Variants in GOLGA1 observed in about 807,000 individuals in gnomAD.
The protein encoded by GOLGA1 is golgin A1, also known as golgin subfamily A member 1.
Under a neutral mutation model 119.7 loss-of-function variants are expected in GOLGA1, and 63 were observed. The observed-to-expected ratio is 0.53, with a 90% CI of 0.43 to 0.65. GOLGA1 has a LOEUF of 0.65. Among genes scored for constraint, GOLGA1 ranks in the 30% least tolerant of loss-of-function variants. GOLGA1 has a pLI of 0.00. For missense variants in GOLGA1, 798 were observed against 912.8 expected, an observed-to-expected ratio of 0.87 and a Z score of 1.62; for synonymous variants, 318 against 333.4, an observed-to-expected ratio of 0.95 and a Z score of 0.50.
At chr9:124,943,542 A>T (rs1831093434), upstream of GOLGA1, 1 of 152,214 alleles carries the variant, frequency 6.6e-6, no homozygotes, top group Non-Finnish European at 1.5e-5. Context: ...TATAATCCCT[A>T]TAGTGTTAAA....
chr9:124,912,053 A>G (rs370877152), intron 10 of GOLGA1, 27 bp from the exon 11 acceptor site: 1 of 1,603,764 alleles, frequency 6.2e-7, no homozygotes, highest in East Asian at 2.2e-5. Context: ...AGATCACTCT[A>G]TACTAGAAGC....
At position 124,930,152 on chromosome 9, in the gene GOLGA1, C is replaced by T. The variant is rs74776108; in HGVS notation, c.227-862G>A. Among the ~76,000 whole-genome samples the T allele has an allele frequency of 9.8e-3, 1,497 of 152,276 alleles. 20 individuals carry two copies. The highest frequency in any genetic ancestry group is 0.034 in the African/African-American group (1,424 of 41,562). On this transcript the variant is annotated intron_variant, in intron 4 of 22. Transcript: ENST00000373555. ...GACAATACTCACCACATAGTGGGCC[C>T]AGTAAATGTCAGTGCTCTTCCCTGT...
At chr9:124,886,026 C>T (rs775420209) in intron 19 of GOLGA1, among the ~76,000 whole-genome samples, 6 of 152,150 alleles carry the variant, frequency 3.9e-5, no homozygotes, top group Admixed American at 3.3e-4. Context: ...AGAGAAAGAA[C>T]CAAGGCAGAT....
chr9:124,909,663 G>A (rs1021615223), intron 11 of GOLGA1, among the ~76,000 whole-genome samples: 1 of 151,446 alleles, frequency 6.6e-6, no homozygotes, highest in Non-Finnish European at 1.5e-5. Flanking sequence ...CTGTTACTGA[G>A]ATAGTTGTTA....
At chr9:124,941,170 C>G (rs1304913502), upstream of GOLGA1, 2 of 152,302 alleles carry the variant, frequency 1.3e-5, no homozygotes, top group South Asian at 2.1e-4. Context: ...GCGGCCTTGG[C>G]GGCTACTGTT....
chr9:124,900,624 C>T (rs983911935), intron 12 of GOLGA1, 77 bp from the exon 13 acceptor site: 16 of 652,596 alleles, frequency 2.5e-5, no homozygotes, highest in Non-Finnish European at 3.6e-5. Context: ...AAATGCAAAG[C>T]GATTTAAATA....
chr9:124,935,420 T>TGGAGTATTTCAGATTTC (rs1171782790), intron 3 of GOLGA1, among the ~76,000 whole-genome samples: 2 of 152,320 alleles, frequency 1.3e-5, no homozygotes, highest in African/African-American at 4.8e-5. Context: ...TTTAAGATTT[T>TGGAGTATTTCAGATTTC]GGAGTATTTC....
chr9:124,883,744 G>T (rs1001809664), intron 19 of GOLGA1, among the ~76,000 whole-genome samples: 1 of 151,158 alleles, frequency 6.6e-6, no homozygotes, highest in Admixed American at 6.6e-5. Context: ...CACCGCACCC[G>T]GCCTTTTTTG....
At chr9:124,910,005 A>C (rs1249177524) in intron 11 of GOLGA1, among the ~76,000 whole-genome samples, 1 of 152,002 alleles carries the variant, frequency 6.6e-6, no homozygotes, top group African/African-American at 2.4e-5. Context: ...GCATGATCTC[A>C]GCTCACTGCA....
At chr9:124,889,324 G>A in intron 17 of GOLGA1, 21 bp from the exon 18 acceptor site, 2 of 1,611,594 alleles carry the variant, frequency 1.2e-6, no homozygotes, top group Admixed American at 1.7e-5. Context: ...GAGGAGGGGA[G>A]GGGGCACTGT....
At chr9:124,916,901 A>C (rs970789957) in intron 10 of GOLGA1, among the ~76,000 whole-genome samples, 1 of 148,590 alleles carries the variant, frequency 6.7e-6, no homozygotes. Context: ...AAAAAAAAAA[A>C]ACGAAAACAA....
At position 124,881,917 on chromosome 9, in the gene GOLGA1, T is replaced by C; in HGVS notation, c.2003A>G (p.Glu668Gly). The change falls in exon 21 of 23, where the codon GAG (glutamate) becomes GGG (glycine). Residue 668 changes from glutamate (E) to glycine (G), a missense_variant. Glu to Gly is a moderately conservative substitution (Grantham distance 98). Coordinates refer to ENST00000373555, the MANE Select transcript of GOLGA1 (RefSeq NM_002077.4). This position sits in a 1 kb window ranked among gnomAD's most constrained non-coding sequence, Gnocchi z 4.9. ...RPDNELFEVR[E>G]KPGPEMANMA... ...GTTTGCCATCTCAGGTCCAGGTTTC[T>C]CCCGGACTTCGAAGAGCTCATTATC... is the stretch of plus-strand genomic sequence containing the variant. 6.2e-7 allele frequency: 1 copy of C among 1,611,448 alleles called. No individual in the cohort carries two copies. Among genetic ancestry groups the C allele is most frequent in the Non-Finnish European group, 8.5e-7 (1 of 1,178,800 alleles).
chr9:124,907,062 G>GA (rs922264913), intron 12 of GOLGA1, among the ~76,000 whole-genome samples: 30 of 149,474 alleles, frequency 2.0e-4, no homozygotes, highest in Non-Finnish European at 7.4e-5. Context: ...GTCAACCTTT[G>GA]AAAAAAAAAG....
Position 124,916,120 on chromosome 9 carries a change from A to C in GOLGA1, c.844-4094T>G, listed in dbSNP as rs145584590. 1.4e-3 allele frequency among the ~76,000 whole-genome samples: 211 copies of C among 151,164 alleles called. 5 individuals are homozygous for C. In the East Asian group the frequency reaches 0.036, roughly 26 times the overall value. The stretch of plus-strand genomic sequence containing the variant: ...GTATCTCTAAATAAATAAATAAATA[A>C]ATAAATAAATACATAAATATACTTA... On this transcript the variant is annotated intron_variant, in intron 10 of 22. Coordinates refer to ENST00000373555, the MANE Select transcript of GOLGA1 (RefSeq NM_002077.4).
At chr9:124,897,703 T>C (rs532089929) in intron 15 of GOLGA1, among the ~76,000 whole-genome samples, 2 of 152,272 alleles carry the variant, frequency 1.3e-5, no homozygotes, top group East Asian at 3.9e-4. Context: ...CTCAAATGTT[T>C]ATTGAAGGAA....
At chr9:124,891,371 A>AG (rs1453317644) in intron 15 of GOLGA1, among the ~76,000 whole-genome samples, 1 of 152,224 alleles carries the variant, frequency 6.6e-6, no homozygotes, top group Non-Finnish European at 1.5e-5. Flanking sequence ...GCGTGGATGG[A>AG]GAAAAACAAT....
At chr9:124,932,982 A>G (rs1452828104) in intron 3 of GOLGA1, among the ~76,000 whole-genome samples, 2 of 152,138 alleles carry the variant, frequency 1.3e-5, no homozygotes, top group Non-Finnish European at 2.9e-5. Context: ...AGGTTTCAAC[A>G]TATCAATTTT....
rs1459449889 is a variant in GOLGA1 at position 124,888,223 on chromosome 9, C to G, written c.1905+30G>C. On this transcript the variant is annotated intron_variant, in intron 19 of 22. Coordinates refer to ENST00000373555, the MANE Select transcript of GOLGA1 (RefSeq NM_002077.4). This position sits in a 1 kb window ranked among gnomAD's most constrained non-coding sequence, Gnocchi z 4.4. Reference sequence around the variant, plus strand: ...CCTGAGGGTGAGGACCTGGTGGAGACAGAAACAGCCATGCAAAAGGCATCC... The same window carrying G: ...CCTGAGGGTGAGGACCTGGTGGAGAGAGAAACAGCCATGCAAAAGGCATCC... 2 of 1,609,666 alleles carry G rather than the reference C, an allele frequency of 1.2e-6. No homozygotes were observed. Among genetic ancestry groups the G allele is most frequent in the Non-Finnish European group, 1.7e-6 (2 of 1,176,104 alleles).
chr9:124,911,911 A>AC lies in GOLGA1; in HGVS notation c.958_959insG (p.Leu320ArgfsTer9). Reference sequence around the variant, plus strand: ...GAGAACAGAAGTTACCTCTTTCAGGAGTTCTTGCAAGTGTTCTTCTCCTGA... The same window carrying AC: ...GAGAACAGAAGTTACCTCTTTCAGGACGTTCTTGCAAGTGTTCTTCTCCTGA... On this transcript the variant is annotated frameshift_variant, in exon 11 of 23. Coordinates refer to ENST00000373555, the MANE Select transcript of GOLGA1 (RefSeq NM_002077.4). LOFTEE classifies it high-confidence loss of function. The AC allele has an allele frequency of 6.2e-7, 1 of 1,612,326 alleles. No homozygotes were observed. The highest frequency in any genetic ancestry group is 8.5e-7 in the Non-Finnish European group (1 of 1,178,502).
Sources: allele counts gnomAD v4.1 joint callset (sites outside exome capture counted in the v4.1 genomes callset), GRCh38; gene constraint gnomAD v4.1.1; non-coding constraint Gnocchi (gnomAD v3.1); transcripts MANE v1.5; gene names NCBI Gene and HGNC (gene_info 2026-07-23, HGNC 2026-07-21).